The following TPCN2 variants were observed in gnomAD, a reference collection of about 807,000 sequenced individuals.
TPCN2 encodes the protein two pore channel protein 2.
TPCN2 carries 92 observed loss-of-function variants against 111.4 expected under a neutral mutation model. The observed-to-expected ratio is 0.83, with a 90% CI of 0.70 to 0.98. The LOEUF (loss-of-function observed/expected upper bound fraction) is 0.98. Among genes scored for constraint, TPCN2 ranks in the 50% least tolerant of loss-of-function variants. The pLI, the probability that TPCN2 is intolerant of heterozygous loss-of-function variation, is 0.00. For missense variants in TPCN2, 995 were observed against 980.1 expected (o/e 1.02, Z -0.20); for synonymous variants, 405 against 414.5 (o/e 0.98, Z 0.28).
chr11:69,065,129 C>T (rs1855214878), intron 7 of TPCN2, among the ~76,000 whole-genome samples: 1 of 151,828 alleles, frequency 6.6e-6, no homozygotes, highest in South Asian at 2.1e-4. Flanking sequence ...TGTGCGTGTG[C>T]ATGTGTGTGC....
At chr11:69,079,360 C>T in intron 16 of TPCN2, 1 of 340,708 alleles carries the variant, frequency 2.9e-6, no homozygotes, top group Non-Finnish European at 5.4e-6. Flanking sequence ...GGTGTGACCT[C>T]AGCATGGGTG....
chr11:69,082,648 C>T (rs1245252683), intron 18 of TPCN2, among the ~76,000 whole-genome samples: 5 of 149,634 alleles, frequency 3.3e-5, no homozygotes, highest in Non-Finnish European at 5.9e-5. Flanking sequence ...GTGCACACAT[C>T]GCGTGCAGAT....
Position 69,081,497 on chromosome 11 carries a change from A to C in TPCN2, c.1687A>C (p.Lys563Gln). 6.4e-7 allele frequency: 1 copy of C among 1,560,084 alleles called. No individual in the cohort carries two copies. Among genetic ancestry groups the C allele is most frequent in the Admixed American group, 1.9e-5 (1 of 53,340 alleles). ...CTTCCTGCGTATCATCCCCAGCATG[A>C]AGGTGTGTGCCGGCCCCACCCCCAC... ...FRFLRIIPSMKLMAVVASTVL... is the reference protein window; with the variant it reads ...FRFLRIIPSMQLMAVVASTVL... The change falls in exon 18 of 25, where the codon AAG becomes CAG. Residue 563 changes from lysine to glutamine, a missense_variant and splice_region_variant. Lys to Gln is a moderately conservative substitution (Grantham distance 53, BLOSUM62 1). Coordinates refer to ENST00000294309, the MANE Select transcript of TPCN2 (RefSeq NM_139075.4).
chr11:69,072,234 G>GCCC (rs1219807193), intron 11 of TPCN2, among the ~76,000 whole-genome samples: 1 of 137,020 alleles, frequency 7.3e-6, no homozygotes, highest in Non-Finnish European at 1.7e-5. Flanking sequence ...GTGCCCCCCG[G>GCCC]GGACCCTGGG....
Position 69,070,591 on chromosome 11 carries a change from C to G in TPCN2, c.895+96C>G, listed in dbSNP as rs531254081. 24 of 943,052 alleles carry G rather than the reference C, an allele frequency of 2.5e-5. No homozygotes were observed. The African/African-American group carries it at 3.3e-4, about 13-fold the overall frequency. The allele number at this position is 943,052 out of a possible 1,614,324, so 58.4% of individuals were successfully genotyped here. A position where few individuals can be genotyped will look rare whatever the true frequency, so the allele number is the denominator to read the frequency against. On this transcript the variant is annotated intron_variant, in intron 9 of 24. Transcript: ENST00000294309. ...GCCTCCACGACCTGAAACTTCACAT[C>G]CGTGTTTTTCACTCCAGAGATCACC...
chr11:69,063,990 C>G (rs2134554886), intron 7 of TPCN2, 23 bp downstream of exon 7: 2 of 1,611,304 alleles, frequency 1.2e-6, no homozygotes, highest in South Asian at 1.1e-5. Context: ...TGGTCAGGGT[C>G]TGGGAATGGG....
intron 5 of TPCN2, 132 bp from the exon 6 acceptor site, chr11:69,062,752 A>T: frequency 1.3e-6 from 1 of 798,036 alleles, no homozygotes; most frequent in Non-Finnish European, 2.1e-6. Flanking sequence ...CAGGCCCTCC[A>T]CTTTGGGCTC....
rs750236397 is a variant in TPCN2, at chr11:69,057,686, TGTCATGA to T, written c.540_546del (p.His181ProfsTer19). On this transcript the variant is annotated frameshift_variant and splice_region_variant, in exon 5 of 25. Transcript: ENST00000294309. LOFTEE classifies it high-confidence loss of function. ...CTGGACCGTGTCCCTGAGTCTCGTGTGTCATGAGGTAGGTGGTGAGGCAGCCCTGAGA... is the reference window on the plus strand; with the variant it reads ...CTGGACCGTGTCCCTGAGTCTCGTGTGGTAGGTGGTGAGGCAGCCCTGAGA... 5.0e-6 allele frequency: 8 copies of T among 1,614,056 alleles called. No individual in the cohort carries two copies. The Admixed American group carries it at 1.3e-4, about 27-fold the overall frequency.
chr11:69,065,015 GTGTCTGTA>G (rs1413215935), intron 7 of TPCN2, among the ~76,000 whole-genome samples: 1 of 149,716 alleles, frequency 6.7e-6, no homozygotes, highest in Non-Finnish European at 1.5e-5. Context: ...TGTGTGCATG[GTGTCTGTA>G]TGTCTGTGTG....
chr11:69,088,211 C>T lies in TPCN2; in HGVS notation c.*258C>T, dbSNP rs1034330003. On this transcript the variant is annotated 3_prime_UTR_variant, in exon 25 of 25. Coordinates refer to ENST00000294309, the MANE Select transcript of TPCN2 (RefSeq NM_139075.4). ...GCTGCTTCAGTGAGAATTCCCTCGT[C>T]GACTCCACAGGGACCTTTCAGACAA... 10 of 500,052 alleles carry T rather than the reference C, an allele frequency of 2.0e-5. No individual in the cohort carries two copies. Among genetic ancestry groups the T allele is most frequent in the Middle Eastern group, 5.3e-4 (1 of 1,892 alleles). The allele number at this position is 500,052 out of a possible 1,614,324, so 31.0% of individuals were successfully genotyped here. A position where few individuals can be genotyped will look rare whatever the true frequency, so the allele number is the denominator to read the frequency against.
rs780681394 is a variant in TPCN2 at position 69,054,812 on chromosome 11, A to G, written c.251+15A>G. 2.5e-6 allele frequency: 4 copies of G among 1,611,702 alleles called. No homozygotes were observed. The East Asian group carries it at 8.9e-5, about 36-fold the overall frequency. ...GTATGCCAACGGTGAGAACGCACCCATGTGGAACTCAGGGTTCCTGCCGGC... is the reference window on the plus strand; with the variant it reads ...GTATGCCAACGGTGAGAACGCACCCGTGTGGAACTCAGGGTTCCTGCCGGC... On this transcript the variant is annotated intron_variant, in intron 3 of 24. Transcript: ENST00000294309.
At chr11:69,071,219 G>A (rs1855521877) in intron 9 of TPCN2, 137 bp from the exon 10 acceptor site, 1 of 692,134 alleles carries the variant, frequency 1.4e-6, no homozygotes, top group Non-Finnish European at 2.6e-6. Flanking sequence ...CCTCCCACCT[G>A]TGACTGCGCT....
chr11:69,054,971 T>A (rs1056480301), intron 3 of TPCN2, among the ~76,000 whole-genome samples, 174 bp downstream of exon 3: 1 of 152,220 alleles, frequency 6.6e-6, no homozygotes, highest in South Asian at 2.1e-4. Flanking sequence ...GGCAGGCTCC[T>A]TCTACAACAA....
rs558435186 is a variant in TPCN2, at chr11:69,065,004, CTG to C, written c.726+1042_726+1043del. On this transcript the variant is annotated intron_variant, in intron 7 of 24. Coordinates refer to ENST00000294309, the MANE Select transcript of TPCN2 (RefSeq NM_139075.4). ...GTATGTCTGTGTGCGTGTGTGGTGTCTGTGTGCATGGTGTCTGTATGTCTGTG... is the reference window on the plus strand; with the variant it reads ...GTATGTCTGTGTGCGTGTGTGGTGTCTGTGCATGGTGTCTGTATGTCTGTG... Among the ~76,000 whole-genome samples, 709 of 149,592 alleles carry C rather than the reference CTG, an allele frequency of 4.7e-3. 6 individuals carry two copies. Among genetic ancestry groups the C allele is most frequent in the African/African-American group, 0.016 (664 of 40,544 alleles).
At chr11:69,070,365 C>G in intron 8 of TPCN2, 65 bp from the exon 9 acceptor site, 2 of 1,281,064 alleles carry the variant, frequency 1.6e-6, no homozygotes, top group East Asian at 2.3e-5. Context: ...AATAGTGTAG[C>G]GTCAGGATGG....
chr11:69,053,938 A>G, intron 1 of TPCN2, 95 bp from the exon 2 acceptor site: 1 of 1,102,968 alleles, frequency 9.1e-7, no homozygotes, highest in South Asian at 1.4e-5. Context: ...CCTTGGGAAG[A>G]ACCACAGCCG....
intron 1 of TPCN2, among the ~76,000 whole-genome samples, chr11:69,050,380 T>A (rs1473947778): frequency 6.6e-6 from 1 of 152,170 alleles, no homozygotes; most frequent in Non-Finnish European, 1.5e-5. Flanking sequence ...GCTTAACCTT[T>A]CTGTTTCTTT....
At chr11:69,062,303 G>A (rs552756950) in intron 5 of TPCN2, among the ~76,000 whole-genome samples, 8 of 152,282 alleles carry the variant, frequency 5.3e-5, no homozygotes, top group Non-Finnish European at 1.0e-4. Context: ...CAGATTCAAC[G>A]TGAGATTTGG....
chr11:69,058,890 A>C (rs1854896478), intron 5 of TPCN2, among the ~76,000 whole-genome samples: 1 of 152,232 alleles, frequency 6.6e-6, no homozygotes, highest in African/African-American at 2.4e-5. Context: ...CATGTTCTGT[A>C]ACTTACAGGC....
Sources: allele counts gnomAD v4.1 joint callset (sites outside exome capture counted in the v4.1 genomes callset), GRCh38; gene constraint gnomAD v4.1.1; transcripts MANE v1.5; gene names NCBI Gene and HGNC (gene_info 2026-07-23, HGNC 2026-07-21).